The following NRAP variants were observed in gnomAD, a reference collection of about 807,000 sequenced individuals.
The protein encoded by NRAP is nebulin related anchoring protein, also known as nebulin-related-anchoring protein.
Under a neutral mutation model 225.9 loss-of-function variants are expected in NRAP, and 189 were observed. The observed-to-expected ratio is 0.84, with a 90% CI of 0.74 to 0.94. The LOEUF is 0.94. Ranked by LOEUF, NRAP falls within the 40% of genes least tolerant of loss-of-function variation. NRAP has a pLI of 0.00. For missense variants in NRAP, 2,176 were observed against 2,168.7 expected, an observed-to-expected ratio of 1.00 and a Z score of -0.07; for synonymous variants, 769 against 790.7, an observed-to-expected ratio of 0.97 and a Z score of 0.46.
intron 14 of NRAP, among the ~76,000 whole-genome samples, chr10:113,638,565 C>G (rs1849012875): frequency 6.6e-6 from 1 of 152,166 alleles, no homozygotes; most frequent in Non-Finnish European, 1.5e-5. Context: ...AACTCAAATT[C>G]ACATCAGAAC....
intron 3 of NRAP, among the ~76,000 whole-genome samples, chr10:113,661,495 CTT>C (rs1350647534): frequency 6.6e-6 from 1 of 152,028 alleles, no homozygotes; most frequent in Non-Finnish European, 1.5e-5. Flanking sequence ...GGAAGGGAAT[CTT>C]GGGTAAAGAG....
intron 25 of NRAP, 74 bp from the exon 26 acceptor site, chr10:113,617,627 G>T: frequency 1.1e-6 from 1 of 889,576 alleles, no homozygotes; most frequent in South Asian, 1.3e-5. Context: ...GAAAATCATA[G>T]GTTGCTTGAG....
At chr10:113,648,467 C>CTCTCTCTCTCTATATATATATATA (rs749486311) in intron 9 of NRAP, among the ~76,000 whole-genome samples, 8 of 87,382 alleles carry the variant, frequency 9.2e-5, no homozygotes, top group African/African-American at 3.6e-4. Flanking sequence ...CTCTCTCTCT[C>CTCTCTCTCTCTATATATATATATA]TATATATATA....
At chr10:113,608,309 C>T (rs904681476) in intron 32 of NRAP, 105 bp downstream of exon 32, 1 of 684,780 alleles carries the variant, frequency 1.5e-6, no homozygotes, top group African/African-American at 1.8e-5. Flanking sequence ...TCCAAACCTC[C>T]ACATAAACAC....
At chr10:113,620,096 G>T (rs1171878830) in intron 25 of NRAP, among the ~76,000 whole-genome samples, 3 of 152,202 alleles carry the variant, frequency 2.0e-5, no homozygotes, top group African/African-American at 7.2e-5. Context: ...TTCGCAAGCA[G>T]TGGTGCTGTA....
intron 28 of NRAP, 25 bp from the exon 29 acceptor site, chr10:113,614,321 AG>A (rs1564716583): frequency 6.8e-7 from 1 of 1,471,730 alleles, no homozygotes; most frequent in East Asian, 2.3e-5. Flanking sequence ...AGCGGGAGAG[AG>A]GAACAGCTCA....
rs779925637 is a variant in NRAP at position 113,629,748 on chromosome 10, C to T, written c.1880G>A (p.Arg627Gln). The T allele has an allele frequency of 1.9e-5, 31 of 1,613,858 alleles. No individual in the cohort carries two copies. In the Admixed American group the frequency reaches 3.0e-4, roughly 16 times the overall value. ...YKKGFEESKT[R>Q]FHLPMDMVNI... is the part of the protein sequence containing the mutation. ...TACCATATCCATGGGCAGGTGAAACCGGGTCTTACTCTCTTCAAAGCCTTT... is the reference window on the plus strand; with the variant it reads ...TACCATATCCATGGGCAGGTGAAACTGGGTCTTACTCTCTTCAAAGCCTTT... The change falls in exon 19 of 42, where the codon CGG (arginine) becomes CAG (glutamine). Residue 627 changes from arginine (R) to glutamine (Q), a missense_variant. Coordinates refer to ENST00000359988, the MANE Select transcript of NRAP (RefSeq NM_198060.4).
chr10:113,622,300 T>A, intron 23 of NRAP, 120 bp from the exon 24 acceptor site: 3 of 685,734 alleles, frequency 4.4e-6, no homozygotes, highest in Non-Finnish European at 7.4e-6. Flanking sequence ...AGAATTAGAA[T>A]CATATGAAAG....
chr10:113,637,010 A>G (rs1848912576), intron 14 of NRAP, among the ~76,000 whole-genome samples: 1 of 83,936 alleles, frequency 1.2e-5, no homozygotes. Context: ...TCATCTCAAA[A>G]AAAAAAAAAA....
rs140840282 is a variant in NRAP at position 113,650,438 on chromosome 10, A to T, written c.783T>A (p.Asp261Glu). The change falls in exon 8 of 42, where the codon GAT becomes GAA. Residue 261 changes from aspartate (D) to glutamate (E), a missense_variant and splice_region_variant. Coordinates refer to ENST00000359988, the MANE Select transcript of NRAP (RefSeq NM_198060.4). Reference protein sequence around the residue: ...IAKRANELASDVRYHQQYQKE... With the variant: ...IAKRANELASEVRYHQQYQKE... ...TGACCACATTGTCAAGGACACTTAC[A>T]TCACTTGCCAGCTCATTGGCTCTTT... 2.2e-5 allele frequency: 35 copies of T among 1,606,770 alleles called. No individual in the cohort carries two copies. In the African/African-American group the frequency reaches 4.0e-4, roughly 18 times the overall value.
intron 25 of NRAP, among the ~76,000 whole-genome samples, chr10:113,619,921 C>G (rs1439496068): frequency 1.3e-5 from 2 of 152,156 alleles, no homozygotes; most frequent in African/African-American, 4.8e-5. Flanking sequence ...TTGGTTGTCA[C>G]AGAGGGCACT....
chr10:113,623,654 A>G lies in NRAP; in HGVS notation c.2350-18T>C, dbSNP rs775925930. On this transcript the variant is annotated intron_variant, in intron 22 of 41. Coordinates refer to ENST00000359988, the MANE Select transcript of NRAP (RefSeq NM_198060.4). ...TACAGTTTCTAAGGGGATTTAGGAG[A>G]GAAGGTGAGTGGGTTTTCATGTGAG... The G allele has an allele frequency of 6.4e-7, 1 of 1,561,652 alleles. No individual in the cohort carries two copies. Among genetic ancestry groups the G allele is most frequent in the Admixed American group, 1.7e-5 (1 of 59,368 alleles).
chr10:113,647,418 T>C (rs1267200806), intron 9 of NRAP, among the ~76,000 whole-genome samples: 1 of 152,034 alleles, frequency 6.6e-6, no homozygotes, highest in Non-Finnish European at 1.5e-5. Context: ...GGCAGATCTA[T>C]GTAGAGACCT....
intron 7 of NRAP, 35 bp downstream of exon 7, chr10:113,651,768 C>G: frequency 1.6e-6 from 2 of 1,260,630 alleles, no homozygotes; most frequent in Non-Finnish European, 2.3e-6. Context: ...ACCCAAATGC[C>G]CATCAGTGAT....
intron 4 of NRAP, among the ~76,000 whole-genome samples, chr10:113,655,340 C>G (rs1266930451): frequency 1.3e-5 from 2 of 152,058 alleles, no homozygotes; most frequent in Admixed American, 6.6e-5. Flanking sequence ...GAAAAACACT[C>G]ACTTGTATAC....
At chr10:113,659,069 T>C (rs1359945691) in intron 3 of NRAP, among the ~76,000 whole-genome samples, 1 of 152,164 alleles carries the variant, frequency 6.6e-6, no homozygotes, top group Admixed American at 6.5e-5. Context: ...TTAATGCTAC[T>C]TGATGCATAT....
chr10:113,652,631 T>TAAAAA, intron 6 of NRAP, among the ~76,000 whole-genome samples: 1 of 151,670 alleles, frequency 6.6e-6, no homozygotes, highest in East Asian at 1.9e-4. Flanking sequence ...TAAAAATAAA[T>TAAAAA]AAATAAAATA....
chr10:113,608,765 G>GT (rs1435873013), intron 31 of NRAP, among the ~76,000 whole-genome samples: 7 of 152,318 alleles, frequency 4.6e-5, no homozygotes, highest in African/African-American at 1.7e-4. Context: ...TGCCATGAAT[G>GT]TGAACATGAC....
At chr10:113,624,761 G>C (rs1262147183) in intron 22 of NRAP, 65 bp downstream of exon 22, 9 of 1,127,628 alleles carry the variant, frequency 8.0e-6, no homozygotes, top group Non-Finnish European at 1.2e-5. Context: ...TGGTGGGCTT[G>C]GTTTACCAGG....
Sources: gnomAD v4.1 joint callset for allele counts (sites outside exome capture counted in the v4.1 genomes callset) on GRCh38, gnomAD v4.1.1 for gene constraint, MANE v1.5 for transcripts, NCBI Gene and HGNC (gene_info 2026-07-23, HGNC 2026-07-21) for gene names.